Variants in CNTN3 observed in about 807,000 individuals in gnomAD.
CNTN3 encodes the protein contactin-3.
In CNTN3, 60 loss-of-function variants were observed where a neutral mutation model predicts 119.1. That is an observed-to-expected ratio of 0.50 (90% confidence interval 0.41 to 0.62). The LOEUF (loss-of-function observed/expected upper bound fraction) is 0.62, where lower values mean the gene tolerates loss of function less well. CNTN3 is among the 20% of genes least tolerant of loss of function. The pLI, the probability that CNTN3 is intolerant of heterozygous loss-of-function variation, is 0.00. For synonymous variants in CNTN3, 450 were observed against 438.7 expected, an observed-to-expected ratio of 1.03 and a Z score of -0.32; for missense variants, 1,101 against 1,242.4, an observed-to-expected ratio of 0.89 and a Z score of 1.71.
At chr3:74,416,201 C>T (rs1701517808) in intron 5 of CNTN3, among the ~76,000 whole-genome samples, 1 of 152,118 alleles carries the variant, frequency 6.6e-6, no homozygotes, top group Admixed American at 6.5e-5. Flanking sequence ...TATAGTTAAT[C>T]CCCTTCATAG....
chr3:74,307,019 G>T (rs1702578555), intron 13 of CNTN3, among the ~76,000 whole-genome samples: 1 of 152,128 alleles, frequency 6.6e-6, no homozygotes, highest in Admixed American at 6.6e-5. Flanking sequence ...TCAGTGAACT[G>T]CTCATTTGAG....
intron 13 of CNTN3, among the ~76,000 whole-genome samples, chr3:74,328,167 T>C (rs1703174822): frequency 6.6e-6 from 1 of 152,098 alleles, no homozygotes; most frequent in Admixed American, 6.5e-5. Flanking sequence ...AGTATCAAAA[T>C]AATCTGTCTA....
intron 3 of CNTN3, among the ~76,000 whole-genome samples, chr3:74,487,059 T>C (rs1376230572): frequency 1.3e-5 from 2 of 152,178 alleles, no homozygotes; most frequent in Admixed American, 6.5e-5. Context: ...AATAAATTAA[T>C]TGGGTAAGTG....
chr3:74,339,621 T>C (rs1057039538), intron 11 of CNTN3, among the ~76,000 whole-genome samples: 1 of 152,116 alleles, frequency 6.6e-6, no homozygotes. Flanking sequence ...CAGTACACTG[T>C]AGGCTCTCTG....
chr3:74,541,526 T>C (rs1034591333), intron 1 of CNTN3, among the ~76,000 whole-genome samples: 2 of 152,048 alleles, frequency 1.3e-5, no homozygotes, highest in African/African-American at 2.4e-5. Flanking sequence ...TACAAAAATA[T>C]AAAACTTAAC....
chr3:74,610,851 G>A (rs1468410257), intron 1 of CNTN3, among the ~76,000 whole-genome samples: 1 of 152,142 alleles, frequency 6.6e-6, no homozygotes, highest in African/African-American at 2.4e-5. Flanking sequence ...TAAGGTCTGA[G>A]TTGTACTAGT....
rs1489281583 is a variant in CNTN3 at position 74,295,173 on chromosome 3, G to T, written c.2465C>A (p.Ser822Ter). 6.2e-7 allele frequency: 1 copy of T among 1,613,498 alleles called. No individual in the cohort carries two copies. Among genetic ancestry groups the T allele is most frequent in the Non-Finnish European group, 8.5e-7 (1 of 1,179,580 alleles). Reference protein sequence around the residue: ...NSLSSSEIEVSWNTIPWKLSN... With the variant: ...NSLSSSEIEV ...CAACTTCCAAGGAATGGTGTTCCAT[G>T]AAACCTCAATTTCTGAGGAAGATAG... The change falls in exon 19 of 23, where the codon TCA becomes TAA. Residue 822 changes from serine to a stop codon, truncating the protein, a stop_gained. Coordinates refer to ENST00000263665, the MANE Select transcript of CNTN3 (RefSeq NM_020872.3). LOFTEE classifies it high-confidence loss of function.
At chr3:74,357,569 C>T (rs983453095) in intron 11 of CNTN3, among the ~76,000 whole-genome samples, 3 of 152,150 alleles carry the variant, frequency 2.0e-5, no homozygotes, top group African/African-American at 7.2e-5. Context: ...AGGCGTGACC[C>T]ACTGCACTCG....
chr3:74,560,082 A>T (rs886082535), intron 1 of CNTN3, among the ~76,000 whole-genome samples: 1 of 152,222 alleles, frequency 6.6e-6, no homozygotes, highest in South Asian at 2.1e-4. Context: ...ATACGGTATC[A>T]GTCCTGCTCA....
chr3:74,481,137 G>A (rs1179781436), intron 4 of CNTN3, among the ~76,000 whole-genome samples: 1 of 151,590 alleles, frequency 6.6e-6, no homozygotes, highest in East Asian at 1.9e-4. Flanking sequence ...AATACATACA[G>A]TTTAAATAGA....
In CNTN3 at chr3:74,499,832, T is replaced by C. The variant is rs200899640; in HGVS notation, c.56-47A>G. 11 of 1,536,188 alleles carry C rather than the reference T, an allele frequency of 7.2e-6. No homozygotes were observed. The East Asian group carries it at 1.1e-4, about 16-fold the overall frequency. Reference sequence around the variant, plus strand: ...AAAAAATAATAATCAGTAAAAGGCATTGTAAAAAGTTACATTCCAGTATTG... The same window carrying C: ...AAAAAATAATAATCAGTAAAAGGCACTGTAAAAAGTTACATTCCAGTATTG... On this transcript the variant is annotated intron_variant, in intron 2 of 22. Coordinates refer to ENST00000263665, the MANE Select transcript of CNTN3 (RefSeq NM_020872.3).
chr3:74,267,160 T>G (rs1186439536), intron 21 of CNTN3, 106 bp downstream of exon 21: 1 of 610,992 alleles, frequency 1.6e-6, no homozygotes, highest in Non-Finnish European at 2.9e-6. Context: ...CAAAATTAGA[T>G]TACAGAAACC....
chr3:74,588,486 C>T (rs536033506), intron 1 of CNTN3, among the ~76,000 whole-genome samples: 9 of 152,142 alleles, frequency 5.9e-5, no homozygotes, highest in African/African-American at 2.2e-4. Flanking sequence ...ACATTCCATG[C>T]TCATGGGTAG....
In CNTN3 at chr3:74,264,511, T is replaced by G. The variant is rs373987918; in HGVS notation, c.2987-10A>C. On this transcript the variant is annotated splice_polypyrimidine_tract_variant and intron_variant, in intron 22 of 22. Coordinates refer to ENST00000263665, the MANE Select transcript of CNTN3 (RefSeq NM_020872.3). ...CCTCTTGCATCCATACCTGTCAAAG[T>G]TGATGAAGAGCTCATTAATAAGGAT... 1.3e-6 allele frequency: 2 copies of G among 1,567,130 alleles called. No individual in the cohort carries two copies. The highest frequency in any genetic ancestry group is 1.4e-5 in the African/African-American group (1 of 73,654).
At chr3:74,610,096 G>T (rs1705055548) in intron 1 of CNTN3, among the ~76,000 whole-genome samples, 1 of 152,024 alleles carries the variant, frequency 6.6e-6, no homozygotes, top group South Asian at 2.1e-4. Flanking sequence ...GTCGAGGTGG[G>T]CAGATCGTTT....
intron 18 of CNTN3, 67 bp from the exon 19 acceptor site, chr3:74,295,303 T>C (rs1332869174): frequency 2.0e-5 from 16 of 798,628 alleles, no homozygotes; most frequent in Non-Finnish European, 2.9e-5. Context: ...CAGATTAATG[T>C]TCTTATTTTT....
In CNTN3 at chr3:74,350,533, A is replaced by C. The variant is rs574141014; in HGVS notation, c.1364+11357T>G. ...ATGGAGATTTTTCAAAGAACTAAGA[A>C]CATAACTACCATCCAACTCAGCAAT... On this transcript the variant is annotated intron_variant, in intron 11 of 22. Transcript: ENST00000263665. 7.9e-5 allele frequency among the ~76,000 whole-genome samples: 12 copies of C among 152,338 alleles called. No individual in the cohort carries two copies. The South Asian group carries it at 2.5e-3, about 32-fold the overall frequency.
At chr3:74,279,628 G>A (rs763727537) in intron 20 of CNTN3, among the ~76,000 whole-genome samples, 30 of 151,256 alleles carry the variant, frequency 2.0e-4, no homozygotes, top group Non-Finnish European at 3.4e-4. Flanking sequence ...ATGGACTTTC[G>A]GGACTTGGGG....
chr3:74,401,713 C>G (rs373317067), intron 5 of CNTN3, among the ~76,000 whole-genome samples: 1 of 152,116 alleles, frequency 6.6e-6, no homozygotes, highest in Non-Finnish European at 1.5e-5. Context: ...ATTAAACTCA[C>G]GCCAGAGAAA....
Sources: allele counts gnomAD v4.1 joint callset (sites outside exome capture counted in the v4.1 genomes callset), GRCh38; gene constraint gnomAD v4.1.1; transcripts MANE v1.5; gene names NCBI Gene and HGNC (gene_info 2026-07-23, HGNC 2026-07-21).